DPH7: variants seen among roughly 807,000 people sequenced by gnomAD.
The protein encoded by DPH7 is diphthamide biosynthesis 7, also known as diphthine methyltransferase.
Under a neutral mutation model 41.7 loss-of-function variants are expected in DPH7, and 44 were observed. That is an observed-to-expected ratio of 1.05 (90% CI 0.83 to 1.36). The LOEUF (loss-of-function observed/expected upper bound fraction) is 1.36, where lower values mean the gene tolerates loss of function less well. Ranked by LOEUF, DPH7 falls within the 40% of genes most tolerant of loss-of-function variation. The probability of loss-of-function intolerance (pLI) is 0.00; values close to 1 mark genes in which losing one functional copy is unlikely to be tolerated. For synonymous variants in DPH7, 275 were observed against 238.0 expected, an observed-to-expected ratio of 1.16 and a Z score of -1.43; for missense variants, 629 against 577.5, an observed-to-expected ratio of 1.09 and a Z score of -0.91.
intron 4 of DPH7, 108 bp downstream of exon 4, chr9:137,574,644 G>T: frequency 9.2e-7 from 1 of 1,088,310 alleles, no homozygotes; most frequent in Non-Finnish European, 1.4e-6. Context: ...TGTCAGGGCT[G>T]AGGAGCACAG....
chr9:137,576,462 G>A lies in DPH7; in HGVS notation c.288-295C>T, dbSNP rs931872701. ...TAAAGGATAAAAAACAGGTGGCCGG[G>A]CATGGTGGCTCACACTTGTAACCCC... is the stretch of plus-strand genomic sequence containing the variant. On this transcript the variant is annotated intron_variant, in intron 2 of 8. Transcript: ENST00000277540. 3.8e-5 allele frequency: 13 copies of A among 338,428 alleles called. No individual in the cohort carries two copies. In the East Asian group the frequency reaches 6.5e-4, roughly 17 times the overall value. 21.0% of individuals were successfully genotyped at this position (338,428 alleles called of 1,614,324 possible).
intron 5 of DPH7, 46 bp downstream of exon 5, chr9:137,574,162 C>T (rs775738994): frequency 6.3e-7 from 1 of 1,590,416 alleles, no homozygotes; most frequent in South Asian, 1.1e-5. Context: ...TCCGCCCCTT[C>T]CTCAGCAAGC....
At chr9:137,561,586 G>A (rs903206735) in intron 8 of DPH7, among the ~76,000 whole-genome samples, 7 of 143,120 alleles carry the variant, frequency 4.9e-5, no homozygotes, top group South Asian at 2.2e-4. Flanking sequence ...CCAAAGACTC[G>A]CCTCAGACTC....
intron 8 of DPH7, among the ~76,000 whole-genome samples, chr9:137,561,343 G>A (rs1030520423): frequency 2.0e-5 from 3 of 151,886 alleles, no homozygotes; most frequent in South Asian, 2.1e-4. Context: ...AAAAATGCAC[G>A]ACCCCGGCCA....
intron 3 of DPH7, chr9:137,575,513 C>T: frequency 1.0e-6 from 1 of 991,216 alleles, no homozygotes; most frequent in Non-Finnish European, 1.2e-6. Flanking sequence ...AGGCCTTTTC[C>T]TACACAGGCC....
chr9:137,558,641 G>A (rs895537236), intron 8 of DPH7, among the ~76,000 whole-genome samples: 6 of 152,236 alleles, frequency 3.9e-5, no homozygotes, highest in Admixed American at 6.5e-5. Flanking sequence ...CAGAGTAAAC[G>A]GAGGTTATAG....
Position 137,556,788 on chromosome 9 carries a change from A to C in DPH7, c.950-1140T>G. 2.2e-6 allele frequency: 1 copy of C among 456,254 alleles called. No homozygotes were observed. Among genetic ancestry groups the C allele is most frequent in the Non-Finnish European group, 4.4e-6 (1 of 226,846 alleles). The allele number at this position is 456,254 out of a possible 1,614,324, so 28.3% of individuals were successfully genotyped here. Reference sequence around the variant, plus strand: ...CATCCAGCAATCGCTCAACACGTCCACTCGGGCCAGCAGGACCTCTTCTAC... The same window carrying C: ...CATCCAGCAATCGCTCAACACGTCCCCTCGGGCCAGCAGGACCTCTTCTAC... On this transcript the variant is annotated intron_variant, in intron 8 of 8. Transcript: ENST00000277540. This position sits in a 1 kb window ranked among gnomAD's most constrained non-coding sequence, Gnocchi z 5.2.
In DPH7 at chr9:137,564,940, G is replaced by T; in HGVS notation, c.729C>A (p.Cys243Ter). The change falls in exon 7 of 9, where the codon TGC (cysteine) becomes TGA (stop). Residue 243 changes from cysteine (C) to a stop codon, truncating the protein, a stop_gained. Coordinates refer to ENST00000277540, the MANE Select transcript of DPH7 (RefSeq NM_138778.5). LOFTEE classifies it high-confidence loss of function. ...FTSKRHTMGV[C>*]SIQSSPHREH... ...CCCGATGAGGGCTGCTCTGGATGCT[G>T]CACACACCCATGGTGTGTCTGCAAG... The T allele has an allele frequency of 1.3e-6, 2 of 1,596,422 alleles. No individual in the cohort carries two copies. The highest frequency in any genetic ancestry group is 8.5e-7 in the Non-Finnish European group (1 of 1,171,342).
At chr9:137,573,896 T>G (rs916381154) in intron 5 of DPH7, among the ~76,000 whole-genome samples, 8 of 151,740 alleles carry the variant, frequency 5.3e-5, no homozygotes, top group African/African-American at 1.9e-4. Flanking sequence ...TGAAACCCTG[T>G]CTCTACTAAA....
chr9:137,560,176 T>C (rs1373059827), intron 8 of DPH7, among the ~76,000 whole-genome samples: 2 of 152,088 alleles, frequency 1.3e-5, no homozygotes, highest in African/African-American at 4.8e-5. Flanking sequence ...CTCCTTCAAT[T>C]ATCAAGGCTA....
intron 8 of DPH7, 145 bp downstream of exon 8, chr9:137,564,289 G>T (rs545103399): frequency 1.0e-6 from 1 of 989,916 alleles, no homozygotes; most frequent in Non-Finnish European, 1.4e-6. Context: ...CCAAGTCTAG[G>T]GCGCGACGCT....
At chr9:137,564,352 CTG>C (rs2132974561) in intron 8 of DPH7, 80 bp downstream of exon 8, 6 of 1,507,680 alleles carry the variant, frequency 4.0e-6, no homozygotes, top group Non-Finnish European at 1.8e-6. Context: ...GAGCAGGGAG[CTG>C]AGGGAAGAGC....
At chr9:137,577,754 GA>G (rs1224903085) in intron 1 of DPH7, 151 bp from the exon 2 acceptor site, 7 of 1,098,404 alleles carry the variant, frequency 6.4e-6, no homozygotes, top group Non-Finnish European at 7.7e-6. Flanking sequence ...CTGAGCTGGA[GA>G]AACGTCTATT....
chr9:137,575,172 C>T (rs754759892), intron 3 of DPH7: 1 of 1,051,838 alleles, frequency 9.5e-7, no homozygotes, highest in Non-Finnish European at 1.1e-6. Flanking sequence ...AGGCTCCAGA[C>T]CACAGTGGCA....
At position 137,556,141 on chromosome 9, in the gene DPH7, C is replaced by T. The variant is rs116218809; in HGVS notation, c.950-493G>A. ...CGTCCCAAGCATGCAGGGTCCGGCA[C>T]GCCCTGTTTCAGAGTCTGGATTCTG... On this transcript the variant is annotated intron_variant, in intron 8 of 8. Coordinates refer to ENST00000277540, the MANE Select transcript of DPH7 (RefSeq NM_138778.5). This position sits in a 1 kb window ranked among gnomAD's most constrained non-coding sequence, Gnocchi z 5.2. Among the ~76,000 whole-genome samples, 716 of 152,284 alleles carry T rather than the reference C, an allele frequency of 4.7e-3. 6 individuals are homozygous for T. The highest frequency in any genetic ancestry group is 0.016 in the African/African-American group (655 of 41,548).
chr9:137,570,942 GTGTT>G (rs1840324789), intron 5 of DPH7, among the ~76,000 whole-genome samples: 1 of 152,136 alleles, frequency 6.6e-6, no homozygotes, highest in Non-Finnish European at 1.5e-5. Flanking sequence ...ATTATGCCTT[GTGTT>G]TACTGTCTGT....
intron 5 of DPH7, among the ~76,000 whole-genome samples, chr9:137,573,308 C>A: frequency 6.9e-6 from 1 of 144,162 alleles, no homozygotes; most frequent in Non-Finnish European, 1.5e-5. Context: ...TTGCAGTGAG[C>A]CGAGATCGCG....
In DPH7 at chr9:137,571,262, C is replaced by T. The variant is rs188317668; in HGVS notation, c.640+2946G>A. ...AGTGCAGTGGTGCGATCTCGGCTCACTGCAACCTCTGCCTCCCGGGTTCAA... is the reference window on the plus strand; with the variant it reads ...AGTGCAGTGGTGCGATCTCGGCTCATTGCAACCTCTGCCTCCCGGGTTCAA... On this transcript the variant is annotated intron_variant, in intron 5 of 8. Coordinates refer to ENST00000277540, the MANE Select transcript of DPH7 (RefSeq NM_138778.5). Among the ~76,000 whole-genome samples the T allele has an allele frequency of 1.0e-2, 1,514 of 152,100 alleles. 7 individuals carry two copies. Among genetic ancestry groups the T allele is most frequent in the Middle Eastern group, 0.017 (5 of 294 alleles).
intron 5 of DPH7, 96 bp from the exon 6 acceptor site, chr9:137,565,250 ACTGT>A (rs1839423095): frequency 2.3e-5 from 27 of 1,187,304 alleles, no homozygotes; most frequent in Middle Eastern, 2.0e-4. Flanking sequence ...CCCCGGGGTG[ACTGT>A]CTGTGAGGAA....
Sources: gnomAD v4.1 joint callset for allele counts (sites outside exome capture counted in the v4.1 genomes callset) on GRCh38, gnomAD v4.1.1 for gene constraint, Gnocchi (gnomAD v3.1) non-coding constraint, MANE v1.5 for transcripts, NCBI Gene and HGNC (gene_info 2026-07-23, HGNC 2026-07-21) for gene names.